Variants in GPHN observed in about 807,000 individuals in gnomAD.
GPHN encodes gephyrin.
In GPHN, 17 loss-of-function variants were observed where a neutral mutation model predicts 95.5. The ratio of observed to expected loss-of-function variants is 0.18; its 90% CI spans 0.12 to 0.27. GPHN has a LOEUF of 0.27. Ranked by LOEUF, GPHN falls within the 10% of genes least tolerant of loss-of-function variation. GPHN has a pLI of 1.00. For missense variants in GPHN, 660 were observed against 978.1 expected, an observed-to-expected ratio of 0.67 and a Z score of 4.34; for synonymous variants, 320 against 322.5, an observed-to-expected ratio of 0.99 and a Z score of 0.08.
At chr14:67,317,343 A>T in the GPHN span, 6 of 1,331,106 alleles carry the variant, frequency 4.5e-6, no homozygotes, top group Non-Finnish European at 4.2e-6. Context: ...AGAGTTCTTC[A>T]ATTTGAGTTA....
intron 4 of GPHN, among the ~76,000 whole-genome samples, chr14:66,859,589 C>T (rs115168966): frequency 2.3e-3 from 345 of 152,222 alleles, no homozygotes; most frequent in African/African-American, 7.7e-3. Context: ...ACAAGTATCA[C>T]GATCACCCAG....
At chr14:66,675,146 G>GTTTTTT (rs60014934) in intron 1 of GPHN, among the ~76,000 whole-genome samples, 17 of 135,438 alleles carry the variant, frequency 1.3e-4, no homozygotes, top group South Asian at 4.6e-4. Flanking sequence ...TCTTTTTCCA[G>GTTTTTT]TTTTTTTTTT....
chr14:67,103,337 A>C (rs905888721), intron 13 of GPHN, among the ~76,000 whole-genome samples: 4 of 152,034 alleles, frequency 2.6e-5, no homozygotes, highest in African/African-American at 4.8e-5. Flanking sequence ...AGCTTTGGCT[A>C]TTTGGAGTCT....
chr14:66,665,307 C>T lies in GPHN; in HGVS notation c.65-15800C>T, dbSNP rs1210732433. Among the ~76,000 whole-genome samples, 6 of 152,144 alleles carry T rather than the reference C, an allele frequency of 3.9e-5. No homozygotes were observed. In the East Asian group the frequency reaches 1.2e-3, roughly 29 times the overall value. ...GCTTTATCTCAAAAAACTGAGTGAACAGGCAACCTACAGAATGGGAGAAAA... is the reference window on the plus strand; with the variant it reads ...GCTTTATCTCAAAAAACTGAGTGAATAGGCAACCTACAGAATGGGAGAAAA... On this transcript the variant is annotated intron_variant, in intron 1 of 22. Coordinates refer to ENST00000478722, the MANE Select transcript of GPHN (RefSeq NM_020806.5).
chr14:67,653,059 G>A, the GPHN span, among the ~76,000 whole-genome samples: 1 of 152,182 alleles, frequency 6.6e-6, no homozygotes, highest in African/African-American at 2.4e-5. Context: ...AAGGTGCTGG[G>A]ATTACAGGCA....
At chr14:67,699,976 C>G in the GPHN span, among the ~76,000 whole-genome samples, 1 of 151,860 alleles carries the variant, frequency 6.6e-6, no homozygotes, top group Non-Finnish European at 1.5e-5. Context: ...CCCGTCTCTA[C>G]TAAAAATACA....
chr14:67,637,410 CAAAAAA>C, the GPHN span, among the ~76,000 whole-genome samples: 60 of 103,632 alleles, frequency 5.8e-4, no homozygotes, highest in Non-Finnish European at 8.0e-4. Flanking sequence ...GACTCTGTCT[CAAAAAA>C]AAAAAAAAAA....
rs17104069 is a variant in GPHN at position 67,167,627 on chromosome 14, G to A, written c.1976-1306G>A. ...GACCATTGCCTTTTGACTTGATGATGCAATAAGCAGTGTTTAGCCATGCCA... is the reference window on the plus strand; with the variant it reads ...GACCATTGCCTTTTGACTTGATGATACAATAAGCAGTGTTTAGCCATGCCA... On this transcript the variant is annotated intron_variant, in intron 20 of 22. Coordinates refer to ENST00000478722, the MANE Select transcript of GPHN (RefSeq NM_020806.5). Among the ~76,000 whole-genome samples, 467 of 152,178 alleles carry A rather than the reference G, an allele frequency of 3.1e-3. 6 individuals carry two copies. Among genetic ancestry groups the A allele is most frequent in the African/African-American group, 0.011 (449 of 41,550 alleles).
At chr14:66,754,143 T>C (rs2058474474) in intron 2 of GPHN, among the ~76,000 whole-genome samples, 1 of 152,140 alleles carries the variant, frequency 6.6e-6, no homozygotes. Context: ...ACTTTTTGTC[T>C]ATTATCAATA....
At chr14:67,359,538 C>T in the GPHN span, 2 of 1,156,516 alleles carry the variant, frequency 1.7e-6, no homozygotes, top group African/African-American at 1.6e-5. Flanking sequence ...AGAAAAGAAC[C>T]TGGGAAAAGC....
the GPHN span, among the ~76,000 whole-genome samples, chr14:67,433,637 T>A: frequency 5.3e-5 from 8 of 152,062 alleles, no homozygotes; most frequent in Non-Finnish European, 7.4e-5. Context: ...ATCAAAAAAA[T>A]TTTTGTGGGG....
At chr14:67,228,071 G>A in the GPHN span, among the ~76,000 whole-genome samples, 2 of 151,722 alleles carry the variant, frequency 1.3e-5, no homozygotes, top group Admixed American at 6.6e-5. Flanking sequence ...TCAGGAGGCT[G>A]AGGCATGAAA....
chr14:67,557,496 C>A, the GPHN span: 1 of 1,382,064 alleles, frequency 7.2e-7, no homozygotes, highest in Non-Finnish European at 1.0e-6. Flanking sequence ...TGAGCTGTTC[C>A]GCTCAAGCCC....
At chr14:66,925,184 G>A (rs184909339) in intron 8 of GPHN, among the ~76,000 whole-genome samples, 2 of 152,210 alleles carry the variant, frequency 1.3e-5, no homozygotes, top group East Asian at 1.9e-4. Flanking sequence ...GGGCATGTGA[G>A]ATATTTTGAT....
At chr14:67,053,055 A>G (rs1469746572) in intron 10 of GPHN, among the ~76,000 whole-genome samples, 1 of 149,282 alleles carries the variant, frequency 6.7e-6, no homozygotes, top group Non-Finnish European at 1.5e-5. Flanking sequence ...CAAGAGCAAA[A>G]AAGAAAAAAA....
At chr14:66,559,636 T>G (rs1405454368) in intron 1 of GPHN, among the ~76,000 whole-genome samples, 1 of 152,006 alleles carries the variant, frequency 6.6e-6, no homozygotes, top group Non-Finnish European at 1.5e-5. Context: ...ATTCTGGATA[T>G]TAGCCCCTTG....
At chr14:67,718,088 CA>C in the GPHN span, among the ~76,000 whole-genome samples, 71 of 152,144 alleles carry the variant, frequency 4.7e-4, no homozygotes, top group Non-Finnish European at 7.4e-4. Flanking sequence ...AAAACAAATA[CA>C]AAAAAATGTG....
chr14:67,239,248 A>G, the GPHN span, among the ~76,000 whole-genome samples: 3 of 152,130 alleles, frequency 2.0e-5, no homozygotes, highest in Admixed American at 1.3e-4. Flanking sequence ...CTATCTTTCC[A>G]AAGAGGTCCT....
At chr14:66,949,347 C>G (rs1358372626) in intron 8 of GPHN, among the ~76,000 whole-genome samples, 2 of 152,156 alleles carry the variant, frequency 1.3e-5, no homozygotes, top group African/African-American at 4.8e-5. Context: ...ATCTGCCTGC[C>G]TTGACCTCCC....
Sources: gnomAD v4.1 joint callset for allele counts (sites outside exome capture counted in the v4.1 genomes callset) on GRCh38, gnomAD v4.1.1 for gene constraint, MANE v1.5 for transcripts, NCBI Gene and HGNC (gene_info 2026-07-23, HGNC 2026-07-21) for gene names.